TOGARAM2: variants seen among roughly 807,000 people sequenced by gnomAD.
TOGARAM2 encodes TOG array regulator of axonemal microtubules 2, also known as TOG array regulator of axonemal microtubules protein 2.
TOGARAM2 carries 85 observed loss-of-function variants against 93.3 expected under a neutral mutation model. The observed-to-expected ratio is 0.91, with a 90% CI of 0.76 to 1.09. TOGARAM2 has a LOEUF of 1.09. TOGARAM2 is among the 50% of genes least tolerant of loss of function. TOGARAM2 has a pLI of 0.00. For missense variants in TOGARAM2, 1,277 were observed against 1,334.5 expected, an observed-to-expected ratio of 0.96 and a Z score of 0.67; for synonymous variants, 593 against 552.8, an observed-to-expected ratio of 1.07 and a Z score of -1.02.
At chr2:29,042,446 C>T (rs1666491970) in intron 18 of TOGARAM2, among the ~76,000 whole-genome samples, 1 of 152,156 alleles carries the variant, frequency 6.6e-6, no homozygotes, top group Admixed American at 6.5e-5. Context: ...GGCGGGAGCC[C>T]CTGCTGTGTC....
Position 29,005,059 on chromosome 2 carries a change from T to TGTGA in TOGARAM2, c.830+1381_830+1384dup, listed in dbSNP as rs1382773461. 9.7e-5 allele frequency among the ~76,000 whole-genome samples: 13 copies of TGTGA among 133,850 alleles called. 1 individual carries two copies. The highest frequency in any genetic ancestry group is 3.9e-4 in the African/African-American group (13 of 33,460). The allele number at this position is 133,850 out of a possible 152,430, so 87.8% of individuals were successfully genotyped here. A position where few individuals can be genotyped will look rare whatever the true frequency, so the allele number is the denominator to read the frequency against. On this transcript the variant is annotated intron_variant, in intron 6 of 19. Coordinates refer to ENST00000379558, the MANE Select transcript of TOGARAM2 (RefSeq NM_199280.4). ...GTGCATGTGTGTGCATGTGTATGTG[T>TGTGA]GTGAGTGCATGTGTGTGCATGTGTA...
At chr2:29,026,830 C>A (rs1284194599) in intron 13 of TOGARAM2, 23 bp from the exon 14 acceptor site, 1 of 1,566,102 alleles carries the variant, frequency 6.4e-7, no homozygotes, top group South Asian at 1.2e-5. Flanking sequence ...GAGACTGACC[C>A]CTGGGCCATG....
intron 1 of TOGARAM2, among the ~76,000 whole-genome samples, 190 bp from the exon 2 acceptor site, chr2:28,994,535 C>T (rs1427112185): frequency 6.6e-6 from 1 of 152,188 alleles, no homozygotes; most frequent in African/African-American, 2.4e-5. Context: ...GAACTCTTCC[C>T]AAAACCACAC....
In TOGARAM2 at chr2:28,969,565, A is replaced by T. The variant is rs1024816667; in HGVS notation, c.-147+12868A>T. On this transcript the variant is annotated intron_variant, in intron 1 of 6. Coordinates refer to the TOGARAM2 transcript ENST00000401723. ...ATCTTGGAGTACAAGAAGAAAAACA[A>T]AAACGCCCAAACAAAAAGTTTGGCA... 8.5e-5 allele frequency among the ~76,000 whole-genome samples: 13 copies of T among 152,330 alleles called. 1 individual carries two copies. Among genetic ancestry groups the T allele is most frequent in the Admixed American group, 7.8e-4 (12 of 15,298 alleles).
rs547660752 is a variant in TOGARAM2 at position 29,034,054 on chromosome 2, A to C, written c.2225+491A>C. Among the ~76,000 whole-genome samples the C allele has an allele frequency of 2.0e-5, 3 of 152,054 alleles. No homozygotes were observed. In the East Asian group the frequency reaches 5.8e-4, roughly 29 times the overall value. ...TCTGATGGTCACGCCTGTGCTTAAAACTGAAGCCCTTCTGTAATGTCCTGG... is the reference window on the plus strand; with the variant it reads ...TCTGATGGTCACGCCTGTGCTTAAACCTGAAGCCCTTCTGTAATGTCCTGG... On this transcript the variant is annotated intron_variant, in intron 16 of 19. Coordinates refer to ENST00000379558, the MANE Select transcript of TOGARAM2 (RefSeq NM_199280.4).
intron 15 of TOGARAM2, 149 bp from the exon 16 acceptor site, chr2:29,033,320 C>T: frequency 1.3e-6 from 1 of 775,812 alleles, no homozygotes; most frequent in South Asian, 1.8e-5. Context: ...GCCCCAGCTG[C>T]TTTCAGGGCT....
At chr2:29,045,556 G>A in intron 19 of TOGARAM2, 146 bp downstream of exon 19, 1 of 708,858 alleles carries the variant, frequency 1.4e-6, no homozygotes, top group Non-Finnish European at 2.5e-6. Context: ...CTTTTTTTGT[G>A]TGTGACAATC....
intron 1 of TOGARAM2, among the ~76,000 whole-genome samples, chr2:28,983,051 G>T (rs1269285897): frequency 7.1e-6 from 1 of 140,658 alleles, no homozygotes; most frequent in Non-Finnish European, 1.5e-5. Flanking sequence ...ACAGTGGCAT[G>T]ATCTCAGCTC....
In TOGARAM2 at chr2:29,052,035, G is replaced by C; in HGVS notation, c.3002G>C (p.Arg1001Thr). 1 of 1,610,914 alleles carries C rather than the reference G, an allele frequency of 6.2e-7. No homozygotes were observed. Among genetic ancestry groups the C allele is most frequent in the Non-Finnish European group, 8.5e-7 (1 of 1,177,822 alleles). The change falls in exon 20 of 20, where the codon AGA (arginine) becomes ACA (threonine). Residue 1001 changes from arginine to threonine, a missense_variant. By Grantham distance (71) the Arg-to-Thr change is moderately conservative. Transcript: ENST00000379558. The stretch of plus-strand genomic sequence containing the variant: ...GGAGGCAGCCGCAAGGCCACTGACA[G>C]AGGGGTGGCCCCTGACAGCAAGACA... ...SLGGSRKATDRGVAPDSKTTG... is the reference protein window; with the variant it reads ...SLGGSRKATDTGVAPDSKTTG...
At chr2:28,979,944 C>G (rs942327562), upstream of TOGARAM2, among the ~76,000 whole-genome samples, 4 of 152,338 alleles carry the variant, frequency 2.6e-5, no homozygotes, top group Admixed American at 6.5e-5. Flanking sequence ...TTGTCACGTC[C>G]CCGCCCTGGG....
chr2:28,985,076 C>T (rs1391850133), intron 1 of TOGARAM2, among the ~76,000 whole-genome samples: 1 of 152,200 alleles, frequency 6.6e-6, no homozygotes, highest in Non-Finnish European at 1.5e-5. Context: ...AGCCTAACCC[C>T]CCATGTGTTG....
At chr2:29,018,117 A>C in intron 10 of TOGARAM2, 161 bp downstream of exon 10, 1 of 758,902 alleles carries the variant, frequency 1.3e-6, no homozygotes, top group Non-Finnish European at 2.0e-6. Flanking sequence ...CAGAGAGAGA[A>C]ACAGTGTCAG....
rs769359603 is a variant in TOGARAM2, at chr2:29,052,043, G to A, written c.3010G>A (p.Ala1004Thr). The change falls in exon 20 of 20, where the codon GCC becomes ACC. Residue 1004 changes from alanine (A) to threonine (T), a missense_variant. Coordinates refer to ENST00000379558, the MANE Select transcript of TOGARAM2 (RefSeq NM_199280.4). ...CCGCAAGGCCACTGACAGAGGGGTGGCCCCTGACAGCAAGACAACTGGCAG... is the reference window on the plus strand; with the variant it reads ...CCGCAAGGCCACTGACAGAGGGGTGACCCCTGACAGCAAGACAACTGGCAG... ...GSRKATDRGV[A>T]PDSKTTGSSY... is the part of the protein sequence containing the mutation. The A allele has an allele frequency of 1.9e-6, 3 of 1,607,066 alleles. No individual in the cohort carries two copies. The highest frequency in any genetic ancestry group is 2.6e-6 in the Non-Finnish European group (3 of 1,174,956).
Position 28,999,473 on chromosome 2 carries a change from G to A in TOGARAM2, c.427+5G>A. The A allele has an allele frequency of 1.9e-6, 3 of 1,591,424 alleles. No homozygotes were observed. The highest frequency in any genetic ancestry group is 2.6e-6 in the Non-Finnish European group (3 of 1,167,912). On this transcript the variant is annotated splice_donor_5th_base_variant and intron_variant, in intron 4 of 19. Transcript: ENST00000379558. Reference sequence around the variant, plus strand: ...GCTTGGCAGCGTCTTCCCGAGGTGAGCACTGGCCCCTGCCCACCCCTCACC... The same window carrying A: ...GCTTGGCAGCGTCTTCCCGAGGTGAACACTGGCCCCTGCCCACCCCTCACC...
At position 28,999,363 on chromosome 2, in the gene TOGARAM2, C is replaced by A. The variant is rs1244954045; in HGVS notation, c.322C>A (p.Pro108Thr). The change falls in exon 4 of 20, where the codon CCT (proline) becomes ACT (threonine). Residue 108 changes from proline to threonine, a missense_variant. By Grantham distance (38) the Pro-to-Thr change is conservative. Transcript: ENST00000379558. ...SLGDQPLVLL[P>T]SPESEANSVA... Reference sequence around the variant, plus strand: ...GGGGGACCAGCCCCTGGTGCTCCTCCCTTCTCCGGAGTCAGAGGCCAACAG... The same window carrying A: ...GGGGGACCAGCCCCTGGTGCTCCTCACTTCTCCGGAGTCAGAGGCCAACAG... 2 of 1,613,534 alleles carry A rather than the reference C, an allele frequency of 1.2e-6. No homozygotes were observed. Among genetic ancestry groups the A allele is most frequent in the South Asian group, 1.1e-5 (1 of 90,910 alleles).
chr2:29,003,724 C>T, intron 6 of TOGARAM2, 42 bp downstream of exon 6: 3 of 1,429,686 alleles, frequency 2.1e-6, no homozygotes, highest in East Asian at 2.8e-5. Flanking sequence ...ACTTCTCTCC[C>T]TCTGTCCCCC....
chr2:29,042,822 C>T (rs1403971048), intron 18 of TOGARAM2, among the ~76,000 whole-genome samples: 1 of 152,242 alleles, frequency 6.6e-6, no homozygotes, highest in Non-Finnish European at 1.5e-5. Flanking sequence ...TGCACAGTGT[C>T]AGCAGGGCAA....
At chr2:29,005,806 ATGTG>A (rs1197421407) in intron 6 of TOGARAM2, among the ~76,000 whole-genome samples, 3 of 140,396 alleles carry the variant, frequency 2.1e-5, no homozygotes, top group East Asian at 4.6e-4. Flanking sequence ...GTATGAGTGC[ATGTG>A]TGTGAGTGCA....
At chr2:29,012,309 C>T (rs919437442) in intron 7 of TOGARAM2, among the ~76,000 whole-genome samples, 10 of 152,166 alleles carry the variant, frequency 6.6e-5, no homozygotes, top group African/African-American at 2.2e-4. Flanking sequence ...CTAATCAGCT[C>T]AGCTGGTGGG....
Sources: allele counts gnomAD v4.1 joint callset (sites outside exome capture counted in the v4.1 genomes callset), GRCh38; gene constraint gnomAD v4.1.1; transcripts MANE v1.5; gene names NCBI Gene and HGNC (gene_info 2026-07-23, HGNC 2026-07-21).